The following ANKRD46 variants were observed in gnomAD, a reference collection of about 807,000 sequenced individuals.
ANKRD46 encodes the protein ankyrin repeat domain-containing protein 46.
ANKRD46 carries 13 observed loss-of-function variants against 19.8 expected under a neutral mutation model. The observed-to-expected ratio is 0.66, with a 90% CI of 0.43 to 1.04. The LOEUF (loss-of-function observed/expected upper bound fraction) is 1.04. Among genes scored for constraint, ANKRD46 ranks in the 50% least tolerant of loss-of-function variants. The probability of loss-of-function intolerance (pLI) is 0.00; values close to 1 mark genes in which losing one functional copy is unlikely to be tolerated. For missense variants in ANKRD46, 185 were observed against 274.8 expected, an observed-to-expected ratio of 0.67 and a Z score of 2.31; for synonymous variants, 91 against 106.9, an observed-to-expected ratio of 0.85 and a Z score of 0.92.
In ANKRD46 at chr8:100,528,000, ATTGC is replaced by A. The variant is rs1245240505; in HGVS notation, c.312-1_314del. ...GAACTAAAGGGGTAGCACCTTGATGATTGCTAAAAAAAAAAAAAAAAAAAAAAGT... is the reference window on the plus strand; with the variant it reads ...GAACTAAAGGGGTAGCACCTTGATGATAAAAAAAAAAAAAAAAAAAAAAGT... On this transcript the variant is annotated splice_acceptor_variant and coding_sequence_variant, in exon 4 of 5. Coordinates refer to ENST00000335659, the MANE Select transcript of ANKRD46 (RefSeq NM_001270377.2). LOFTEE classifies it high-confidence loss of function. This position sits in a 1 kb window ranked among gnomAD's most constrained non-coding sequence, Gnocchi z 4.0. The A allele has an allele frequency of 9.0e-7, 1 of 1,113,174 alleles. No homozygotes were observed. The highest frequency in any genetic ancestry group is 1.7e-5 in the African/African-American group (1 of 58,436). The allele number at this position is 1,113,174 out of a possible 1,614,324, so 69.0% of individuals were successfully genotyped here.
chr8:100,536,435 C>T lies in ANKRD46; in HGVS notation c.-130-3124G>A, dbSNP rs762001049. On this transcript the variant is annotated intron_variant, in intron 1 of 4. Coordinates refer to ENST00000335659, the MANE Select transcript of ANKRD46 (RefSeq NM_001270377.2). The surrounding 1 kb of genome is among the most constrained non-coding windows in gnomAD (Gnocchi z 4.9). ...AGCTGGACTGCCTGGGTTTGAACCCCAGCTCAGCTACTTACTAGCTGTATG... is the reference window on the plus strand; with the variant it reads ...AGCTGGACTGCCTGGGTTTGAACCCTAGCTCAGCTACTTACTAGCTGTATG... Among the ~76,000 whole-genome samples the T allele has an allele frequency of 3.0e-4, 46 of 152,146 alleles. No homozygotes were observed. Among genetic ancestry groups the T allele is most frequent in the Non-Finnish European group, 5.4e-4 (37 of 68,036 alleles).
chr8:100,539,324 T>C (rs1018478013), intron 1 of ANKRD46, among the ~76,000 whole-genome samples: 1 of 152,234 alleles, frequency 6.6e-6, no homozygotes, highest in Admixed American at 6.5e-5. Flanking sequence ...TTTATTTGGA[T>C]TCTTTAAAAA....
In ANKRD46 at chr8:100,546,161, G is replaced by C. The variant is rs1453746344; in HGVS notation, c.-130-12850C>G. Among the ~76,000 whole-genome samples, 1 of 152,200 alleles carries C rather than the reference G, an allele frequency of 6.6e-6. No individual in the cohort carries two copies. The highest frequency in any genetic ancestry group is 1.5e-5 in the Non-Finnish European group (1 of 68,032). ...AAACTCAAGCATGCTACAGAAATTTGCCTAAATAACAAGGAACAGAATGTT... is the reference window on the plus strand; with the variant it reads ...AAACTCAAGCATGCTACAGAAATTTCCCTAAATAACAAGGAACAGAATGTT... On this transcript the variant is annotated intron_variant, in intron 1 of 4. Coordinates refer to ENST00000335659, the MANE Select transcript of ANKRD46 (RefSeq NM_001270377.2). The surrounding 1 kb of genome is among the most constrained non-coding windows in gnomAD (Gnocchi z 4.0).
downstream of ANKRD46, among the ~76,000 whole-genome samples, chr8:100,519,589 C>T (rs1811688343): frequency 6.6e-6 from 1 of 152,202 alleles, no homozygotes; most frequent in South Asian, 2.1e-4. Context: ...TTGATACATG[C>T]ATAAACAATT....
rs1811541915 is a variant in ANKRD46 at position 100,511,111 on chromosome 8, A to G, written c.637-472T>C. On this transcript the variant is annotated intron_variant, in intron 5 of 5. Transcript: ENST00000520552. This position sits in a 1 kb window ranked among gnomAD's most constrained non-coding sequence, Gnocchi z 4.1. ...TGATTATTGAGAGCTGCTGTGCACC[A>G]ACAACAGTGTTGAGCGGCTTACACA... Among the ~76,000 whole-genome samples the G allele has an allele frequency of 6.6e-6, 1 of 152,220 alleles. No individual in the cohort carries two copies. Among genetic ancestry groups the G allele is most frequent in the African/African-American group, 2.4e-5 (1 of 41,456 alleles).
At chr8:100,520,511 A>C (rs1336429209), downstream of ANKRD46, among the ~76,000 whole-genome samples, 3 of 152,146 alleles carry the variant, frequency 2.0e-5, no homozygotes, top group Non-Finnish European at 4.4e-5. Flanking sequence ...GCGTAGGGTA[A>C]AACTTGCATG....
chr8:100,557,041 C>T lies in ANKRD46; in HGVS notation c.-131+2670G>A, dbSNP rs1377074925. On this transcript the variant is annotated intron_variant, in intron 1 of 4. Coordinates refer to ENST00000335659, the MANE Select transcript of ANKRD46 (RefSeq NM_001270377.2). This position sits in a 1 kb window ranked among gnomAD's most constrained non-coding sequence, Gnocchi z 5.9. ...TAACTGTCTTGGGGCACACATATAA[C>T]GATAGCTGATGAGCTTAAAAAAAAA... 6.9e-6 allele frequency among the ~76,000 whole-genome samples: 1 copy of T among 143,998 alleles called. No homozygotes were observed. Among genetic ancestry groups the T allele is most frequent in the Non-Finnish European group, 1.5e-5 (1 of 65,296 alleles). 94.5% of individuals were successfully genotyped at this position (143,998 alleles called of 152,430 possible). A position where few individuals can be genotyped will look rare whatever the true frequency, so the allele number is the denominator to read the frequency against.
At position 100,543,826 on chromosome 8, in the gene ANKRD46, T is replaced by A. The variant is rs952827044; in HGVS notation, c.-130-10515A>T. ...ATCTGCATGTCTTCTTCAGTGATAC[T>A]ATCAAAATAAATCTATTCCAAATAC... On this transcript the variant is annotated intron_variant, in intron 1 of 4. Coordinates refer to ENST00000335659, the MANE Select transcript of ANKRD46 (RefSeq NM_001270377.2). The surrounding 1 kb of genome is among the most constrained non-coding windows in gnomAD (Gnocchi z 4.2). Among the ~76,000 whole-genome samples the A allele has an allele frequency of 1.3e-5, 2 of 152,226 alleles. No homozygotes were observed. Among genetic ancestry groups the A allele is most frequent in the Non-Finnish European group, 2.9e-5 (2 of 68,026 alleles).
rs1236232934 is a variant in ANKRD46 at position 100,510,754 on chromosome 8, C to T, written c.637-115G>A. On this transcript the variant is annotated intron_variant, in intron 5 of 5. Transcript: ENST00000520552. The surrounding 1 kb of genome is among the most constrained non-coding windows in gnomAD (Gnocchi z 4.9). ...AATATATAGAACCAGAAAGCACAGG[C>T]TTGCTTCTCCTCTGCCCATCTCAGC... 1 of 931,638 alleles carries T rather than the reference C, an allele frequency of 1.1e-6. No individual in the cohort carries two copies. The highest frequency in any genetic ancestry group is 1.9e-5 in the South Asian group (1 of 51,410). 57.7% of individuals were successfully genotyped at this position (931,638 alleles called of 1,614,324 possible). A position where few individuals can be genotyped will look rare whatever the true frequency, so the allele number is the denominator to read the frequency against.
At chr8:100,533,032 A>G (rs1251532971) in intron 2 of ANKRD46, among the ~76,000 whole-genome samples, 177 bp downstream of exon 2, 1 of 152,228 alleles carries the variant, frequency 6.6e-6, no homozygotes, top group Non-Finnish European at 1.5e-5. Flanking sequence ...TCAGGTGAGA[A>G]CAAGTGTGTA....
chr8:100,538,847 TTTC>T (rs1812117954), intron 1 of ANKRD46, among the ~76,000 whole-genome samples: 1 of 152,164 alleles, frequency 6.6e-6, no homozygotes, highest in African/African-American at 2.4e-5. Flanking sequence ...GAGAGACAAT[TTTC>T]TTGTCAGATG....
Position 100,537,490 on chromosome 8 carries a change from C to G in ANKRD46, c.-130-4179G>C, listed in dbSNP as rs1031635655. The stretch of plus-strand genomic sequence containing the variant: ...GAATGATACACAGTAAATGAAACCC[C>G]CAAATCTAGATTCTATCACTTGCTT... On this transcript the variant is annotated intron_variant, in intron 1 of 4. Coordinates refer to ENST00000335659, the MANE Select transcript of ANKRD46 (RefSeq NM_001270377.2). This position sits in a 1 kb window ranked among gnomAD's most constrained non-coding sequence, Gnocchi z 4.2. Among the ~76,000 whole-genome samples the G allele has an allele frequency of 8.5e-5, 13 of 152,292 alleles. No individual in the cohort carries two copies. The South Asian group carries it at 2.7e-3, about 32-fold the overall frequency.
At chr8:100,517,132 G>C (rs1363940733), downstream of ANKRD46, among the ~76,000 whole-genome samples, 1 of 152,192 alleles carries the variant, frequency 6.6e-6, no homozygotes, top group African/African-American at 2.4e-5. Flanking sequence ...TATTAATGAA[G>C]AGCTCAGTAA....
downstream of ANKRD46, among the ~76,000 whole-genome samples, chr8:100,519,305 G>A (rs564218299): frequency 6.6e-6 from 1 of 152,258 alleles, no homozygotes; most frequent in South Asian, 2.1e-4. Context: ...CAGGAAAGAC[G>A]GTCTCTTCTC....
At chr8:100,554,887 C>T (rs560506793) in intron 1 of ANKRD46, among the ~76,000 whole-genome samples, 1 of 151,682 alleles carries the variant, frequency 6.6e-6, no homozygotes, top group South Asian at 2.1e-4. Context: ...CAAAAATTAG[C>T]TGTGTGTGGT....
At chr8:100,556,940 A>G (rs1812511966) in intron 1 of ANKRD46, 1 of 152,176 alleles carries the variant, frequency 6.6e-6, no homozygotes. Context: ...ACTAGATCTC[A>G]TAGGCTCATG....
At chr8:100,539,913 G>C (rs1812141615) in intron 1 of ANKRD46, among the ~76,000 whole-genome samples, 1 of 152,158 alleles carries the variant, frequency 6.6e-6, no homozygotes, top group Admixed American at 6.5e-5. Flanking sequence ...AGTTCACTGA[G>C]TTAAGTTCAT....
chr8:100,556,678 T>C (rs953010169), intron 1 of ANKRD46: 1 of 152,250 alleles, frequency 6.6e-6, no homozygotes, highest in Non-Finnish European at 1.5e-5. Flanking sequence ...GAAAGTGCTC[T>C]TGCAAGGTCA....
chr8:100,522,318 C>T lies in ANKRD46; in HGVS notation c.*237G>A. ...TTTATCAAACAAGGCTACGTGTAGG[C>T]TTTCCTACAAAGTCAGGTTGAGTCA... On this transcript the variant is annotated 3_prime_UTR_variant, in exon 5 of 5. Coordinates refer to ENST00000335659, the MANE Select transcript of ANKRD46 (RefSeq NM_001270377.2). The T allele has an allele frequency of 1.5e-6, 2 of 1,342,564 alleles. No individual in the cohort carries two copies. The highest frequency in any genetic ancestry group is 1.9e-6 in the Non-Finnish European group (2 of 1,045,026). The allele number at this position is 1,342,564 out of a possible 1,614,324, so 83.2% of individuals were successfully genotyped here. A position where few individuals can be genotyped will look rare whatever the true frequency, so the allele number is the denominator to read the frequency against.
Sources: allele counts gnomAD v4.1 joint callset (sites outside exome capture counted in the v4.1 genomes callset), GRCh38; gene constraint gnomAD v4.1.1; non-coding constraint Gnocchi (gnomAD v3.1); transcripts MANE v1.5; gene names NCBI Gene and HGNC (gene_info 2026-07-23, HGNC 2026-07-21).